GABRB1: variants seen among roughly 807,000 people sequenced by gnomAD.
GABRB1 encodes the protein gamma-aminobutyric acid type A receptor subunit beta1.
GABRB1 carries 17 observed loss-of-function variants against 51.6 expected under a neutral mutation model. That is an observed-to-expected ratio of 0.33 (90% CI 0.23 to 0.49). The LOEUF is 0.49. Among genes scored for constraint, GABRB1 ranks in the 20% least tolerant of loss-of-function variants. The pLI is 0.99. For synonymous variants in GABRB1, 247 were observed against 218.9 expected (o/e 1.13, Z -1.14); for missense variants, 410 against 600.6 (o/e 0.68, Z 3.32).
intron 3 of GABRB1, among the ~76,000 whole-genome samples, chr4:47,132,402 G>T (rs62305318): frequency 5.1e-4 from 8 of 15,618 alleles, no homozygotes; most frequent in Non-Finnish European, 1.1e-3. Context: ...TTTTGGTTTG[G>T]TTTGGTTTGG....
intron 4 of GABRB1, among the ~76,000 whole-genome samples, chr4:47,209,999 T>C (rs1720293153): frequency 6.6e-6 from 1 of 152,112 alleles, no homozygotes; most frequent in Admixed American, 6.6e-5. Context: ...ATAAGCATAA[T>C]TTCCTGCCGT....
intron 4 of GABRB1, among the ~76,000 whole-genome samples, chr4:47,314,230 A>T (rs1395580331): frequency 6.6e-6 from 1 of 151,982 alleles, no homozygotes; most frequent in Non-Finnish European, 1.5e-5. Context: ...ATAACTATTG[A>T]TTGTTGAATA....
At chr4:47,264,729 C>T (rs1218750555) in intron 4 of GABRB1, among the ~76,000 whole-genome samples, 2 of 152,170 alleles carry the variant, frequency 1.3e-5, no homozygotes, top group Non-Finnish European at 1.5e-5. Context: ...ACTGTATACA[C>T]CTGGGGGAAT....
chr4:47,018,851 T>C (rs1724827247), intron 1 of GABRB1, among the ~76,000 whole-genome samples: 1 of 152,168 alleles, frequency 6.6e-6, no homozygotes, highest in Non-Finnish European at 1.5e-5. Flanking sequence ...ATCTCAGGAA[T>C]GGCAGAGGTG....
At chr4:47,296,340 C>T (rs1723992165) in intron 4 of GABRB1, among the ~76,000 whole-genome samples, 2 of 152,192 alleles carry the variant, frequency 1.3e-5, no homozygotes, top group South Asian at 2.1e-4. Flanking sequence ...CAAGACCCAT[C>T]AGTGTGCTGT....
intron 4 of GABRB1, among the ~76,000 whole-genome samples, chr4:47,270,511 T>G (rs969077694): frequency 6.6e-6 from 1 of 152,202 alleles, no homozygotes; most frequent in African/African-American, 2.4e-5. Flanking sequence ...TGCTTTCTGT[T>G]GTGGAGTGGG....
intron 3 of GABRB1, among the ~76,000 whole-genome samples, chr4:47,126,110 T>A (rs1716132417): frequency 6.6e-6 from 1 of 151,940 alleles, no homozygotes; most frequent in Admixed American, 6.6e-5. Flanking sequence ...TATCCAGCCT[T>A]TAAAAAATAT....
At chr4:47,208,959 A>G (rs888250360) in intron 4 of GABRB1, among the ~76,000 whole-genome samples, 2 of 152,088 alleles carry the variant, frequency 1.3e-5, no homozygotes, top group African/African-American at 2.4e-5. Context: ...ACAGGAATTG[A>G]CTTGATATTA....
At chr4:47,173,720 C>T (rs1171081629) in intron 4 of GABRB1, among the ~76,000 whole-genome samples, 2 of 152,156 alleles carry the variant, frequency 1.3e-5, no homozygotes, top group Non-Finnish European at 2.9e-5. Flanking sequence ...TTTGAGTTTT[C>T]TACCTGTTCT....
intron 1 of GABRB1, among the ~76,000 whole-genome samples, chr4:47,025,439 A>G (rs1047210890): frequency 1.3e-5 from 2 of 151,928 alleles, no homozygotes; most frequent in African/African-American, 2.4e-5. Flanking sequence ...TTGCAGGAGT[A>G]AGGCGGTATT....
intron 5 of GABRB1, among the ~76,000 whole-genome samples, chr4:47,348,725 G>A (rs1276151225): frequency 1.3e-5 from 2 of 152,118 alleles, no homozygotes; most frequent in African/African-American, 4.8e-5. Context: ...TTGAACTAGG[G>A]GAAGGATAGT....
chr4:47,424,325 A>G (rs1304475185), intron 8 of GABRB1, among the ~76,000 whole-genome samples: 1 of 152,130 alleles, frequency 6.6e-6, no homozygotes, highest in African/African-American at 2.4e-5. Flanking sequence ...TCTAAATCTC[A>G]TTTGCCTTAT....
At chr4:47,408,853 G>C (rs1425741934) in intron 8 of GABRB1, among the ~76,000 whole-genome samples, 1 of 152,114 alleles carries the variant, frequency 6.6e-6, no homozygotes, top group East Asian at 1.9e-4. Flanking sequence ...TAAGTCACGA[G>C]GGAAAACCCT....
chr4:47,231,444 T>G (rs1160692115), intron 4 of GABRB1, among the ~76,000 whole-genome samples: 2 of 152,130 alleles, frequency 1.3e-5, no homozygotes, highest in Non-Finnish European at 2.9e-5. Context: ...AATCCATGGC[T>G]CAATCACTAA....
intron 4 of GABRB1, among the ~76,000 whole-genome samples, chr4:47,245,949 AG>A (rs1433045051): frequency 6.7e-6 from 1 of 149,932 alleles, no homozygotes. Flanking sequence ...ATTGGGGAAC[AG>A]GTGGTATCTG....
intron 8 of GABRB1, among the ~76,000 whole-genome samples, chr4:47,410,419 G>A (rs1728722666): frequency 2.6e-5 from 4 of 152,138 alleles, no homozygotes; most frequent in Admixed American, 2.0e-4. Context: ...TCAAAAGGAA[G>A]GAACCACACT....
At chr4:47,350,894 A>G (rs569255024) in intron 5 of GABRB1, among the ~76,000 whole-genome samples, 5 of 152,350 alleles carry the variant, frequency 3.3e-5, no homozygotes, top group African/African-American at 1.2e-4. Flanking sequence ...CTCCTACACT[A>G]GATTTCAGTG....
chr4:47,036,244 G>C (rs1366571057), intron 3 of GABRB1, among the ~76,000 whole-genome samples: 1 of 152,110 alleles, frequency 6.6e-6, no homozygotes, highest in East Asian at 1.9e-4. Context: ...AAAATTCACT[G>C]TTTCTGTTGT....
At chr4:47,017,192 T>C (rs1724777799) in intron 1 of GABRB1, among the ~76,000 whole-genome samples, 1 of 152,202 alleles carries the variant, frequency 6.6e-6, no homozygotes, top group South Asian at 2.1e-4. Flanking sequence ...TATGCGTTTA[T>C]GAAAGTGTTG....
Sources: gnomAD v4.1 joint callset for allele counts (sites outside exome capture counted in the v4.1 genomes callset) on GRCh38, gnomAD v4.1.1 for gene constraint, MANE v1.5 for transcripts, NCBI Gene and HGNC (gene_info 2026-07-23, HGNC 2026-07-21) for gene names.